The following UNC5D variants were observed in gnomAD, a reference collection of about 807,000 sequenced individuals.
UNC5D encodes the protein unc-5 netrin receptor D, also known as netrin receptor UNC5D.
In UNC5D, 39 loss-of-function variants were observed where a neutral mutation model predicts 105.4. That is an observed-to-expected ratio of 0.37 (90% CI 0.29 to 0.48). The LOEUF (loss-of-function observed/expected upper bound fraction) is 0.48, where lower values mean the gene tolerates loss of function less well. UNC5D is among the 20% of genes least tolerant of loss of function. UNC5D has a pLI of 0.98. For missense variants in UNC5D, 991 were observed against 1,202.4 expected (o/e 0.82, Z 2.60); for synonymous variants, 452 against 450.4 (o/e 1.00, Z -0.04).
At chr8:35,603,955 T>A (rs1323073502) in intron 4 of UNC5D, among the ~76,000 whole-genome samples, 1 of 152,138 alleles carries the variant, frequency 6.6e-6, no homozygotes, top group East Asian at 1.9e-4. Flanking sequence ...GTGAGATGGG[T>A]TTCCTGAATA....
chr8:35,413,209 A>G (rs1805288974), intron 1 of UNC5D, among the ~76,000 whole-genome samples: 1 of 149,044 alleles, frequency 6.7e-6, no homozygotes, highest in Admixed American at 6.7e-5. Context: ...TGCATCTTAG[A>G]TTTCTGAAGG....
intron 1 of UNC5D, among the ~76,000 whole-genome samples, chr8:35,253,735 C>T (rs1179754431): frequency 6.6e-6 from 1 of 151,932 alleles, no homozygotes; most frequent in Non-Finnish European, 1.5e-5. Context: ...GTGATCCGCC[C>T]GCCTCGGCCT....
chr8:35,380,452 A>T (rs1408290932), intron 1 of UNC5D, among the ~76,000 whole-genome samples: 1 of 152,162 alleles, frequency 6.6e-6, no homozygotes, highest in Non-Finnish European at 1.5e-5. Context: ...ATATATAAAC[A>T]TTATGACACA....
chr8:35,652,069 A>C (rs187981071), intron 4 of UNC5D, among the ~76,000 whole-genome samples: 2 of 152,200 alleles, frequency 1.3e-5, no homozygotes, highest in Non-Finnish European at 2.9e-5. Flanking sequence ...TTGCCTTGCC[A>C]TGCCAAGTTG....
chr8:35,342,728 CCTA>C (rs1277948192), intron 1 of UNC5D, among the ~76,000 whole-genome samples: 1 of 152,074 alleles, frequency 6.6e-6, no homozygotes, highest in Non-Finnish European at 1.5e-5. Flanking sequence ...TGGGTACAGA[CCTA>C]CTACCTTACT....
intron 16 of UNC5D, among the ~76,000 whole-genome samples, chr8:35,783,979 G>A (rs533103244): frequency 1.3e-4 from 20 of 152,176 alleles, no homozygotes; most frequent in African/African-American, 4.8e-4. Context: ...TGAAAATTAA[G>A]ATTCTATAAA....
intron 11 of UNC5D, among the ~76,000 whole-genome samples, chr8:35,742,543 G>A (rs1416547473): frequency 6.6e-6 from 1 of 152,048 alleles, no homozygotes; most frequent in Non-Finnish European, 1.5e-5. Context: ...GGGTAAAGGT[G>A]ATCAAACCTA....
chr8:35,694,709 G>GTA (rs1232713536), intron 7 of UNC5D, among the ~76,000 whole-genome samples: 1 of 152,022 alleles, frequency 6.6e-6, no homozygotes, highest in Admixed American at 6.6e-5. Context: ...GTGTGTGTGT[G>GTA]TGTGTGTGGT....
At chr8:35,639,726 G>A (rs994541725) in intron 4 of UNC5D, among the ~76,000 whole-genome samples, 7 of 152,180 alleles carry the variant, frequency 4.6e-5, no homozygotes, top group Non-Finnish European at 7.4e-5. Flanking sequence ...TTCATTAGAA[G>A]TCACATAAAG....
At chr8:35,690,824 C>A (rs560603419) in intron 7 of UNC5D, among the ~76,000 whole-genome samples, 1 of 152,158 alleles carries the variant, frequency 6.6e-6, no homozygotes, top group Non-Finnish European at 1.5e-5. Flanking sequence ...CTTTATGGAG[C>A]AGTAGCTTTG....
At chr8:35,249,179 G>A (rs1022205603) in intron 1 of UNC5D, among the ~76,000 whole-genome samples, 1 of 141,026 alleles carries the variant, frequency 7.1e-6, no homozygotes, top group Non-Finnish European at 1.5e-5. Flanking sequence ...TTTGAAGACA[G>A]CTTTCCATGT....
intron 7 of UNC5D, among the ~76,000 whole-genome samples, chr8:35,687,846 C>A (rs1826120306): frequency 6.6e-6 from 1 of 152,074 alleles, no homozygotes; most frequent in South Asian, 2.1e-4. Flanking sequence ...TGATAGGGAT[C>A]TCTTCTCCAC....
intron 1 of UNC5D, among the ~76,000 whole-genome samples, chr8:35,374,072 C>T (rs953102011): frequency 2.0e-5 from 3 of 152,118 alleles, no homozygotes; most frequent in African/African-American, 4.8e-5. Context: ...TGTGGGTTTT[C>T]GTGGTGACAT....
chr8:35,419,189 A>T (rs889014839), intron 1 of UNC5D, among the ~76,000 whole-genome samples: 2 of 152,168 alleles, frequency 1.3e-5, no homozygotes. Context: ...GATGCCAATC[A>T]TATGTGGGGA....
intron 8 of UNC5D, chr8:35,721,352 A>C (rs1828572155): frequency 1.4e-6 from 1 of 696,190 alleles, no homozygotes; most frequent in East Asian, 2.7e-5. Flanking sequence ...CTCTAGAAAA[A>C]AGGGTGAAAA....
chr8:35,545,450 G>A (rs987578474), intron 1 of UNC5D, among the ~76,000 whole-genome samples: 1 of 152,036 alleles, frequency 6.6e-6, no homozygotes, highest in African/African-American at 2.4e-5. Flanking sequence ...ATTGCCCTGT[G>A]GGATGAGGAA....
At chr8:35,307,544 G>A (rs1352624585) in intron 1 of UNC5D, among the ~76,000 whole-genome samples, 2 of 152,160 alleles carry the variant, frequency 1.3e-5, no homozygotes, top group African/African-American at 4.8e-5. Context: ...GTTAAGTGAG[G>A]AGAGGCTCAA....
At chr8:35,756,422 GTGTA>G (rs1830521207) in intron 13 of UNC5D, among the ~76,000 whole-genome samples, 1 of 151,948 alleles carries the variant, frequency 6.6e-6, no homozygotes, top group Non-Finnish European at 1.5e-5. Flanking sequence ...TTCAAGGACT[GTGTA>G]GACAGTATAT....
intron 1 of UNC5D, among the ~76,000 whole-genome samples, chr8:35,303,839 T>A (rs534773349): frequency 8.3e-4 from 127 of 152,198 alleles, no homozygotes; most frequent in Non-Finnish European, 1.5e-3. Context: ...TGAGGACATG[T>A]AAATGATCAG....
Sources: allele counts gnomAD v4.1 joint callset (sites outside exome capture counted in the v4.1 genomes callset), GRCh38; gene constraint gnomAD v4.1.1; transcripts MANE v1.5; gene names NCBI Gene and HGNC (gene_info 2026-07-23, HGNC 2026-07-21).